Variants in CYFIP2 observed in about 807,000 individuals in gnomAD.
CYFIP2 encodes the protein cytoplasmic FMR1-interacting protein 2.
In CYFIP2, 29 loss-of-function variants were observed where a neutral mutation model predicts 158.7. The observed-to-expected ratio is 0.18, with a 90% CI of 0.14 to 0.25. The LOEUF (loss-of-function observed/expected upper bound fraction) is 0.25, where lower values mean the gene tolerates loss of function less well. Ranked by LOEUF, CYFIP2 falls within the 10% of genes least tolerant of loss-of-function variation. The pLI, the probability that CYFIP2 is intolerant of heterozygous loss-of-function variation, is 1.00. For synonymous variants in CYFIP2, 585 were observed against 617.6 expected (o/e 0.95, Z 0.78); for missense variants, 852 against 1,639.5 (o/e 0.52, Z 8.29).
chr5:157,319,314 G>T (rs1760401423), intron 13 of CYFIP2, among the ~76,000 whole-genome samples: 1 of 152,210 alleles, frequency 6.6e-6, no homozygotes, highest in African/African-American at 2.4e-5. Flanking sequence ...AACAAAGGTT[G>T]TAAAAATTCT....
rs1755615532 is a variant in CYFIP2 at position 157,266,532 on chromosome 5, GGAGACA to G, written c.-24+338_-24+343del. On this transcript the variant is annotated intron_variant, in intron 1 of 30. Coordinates refer to ENST00000620254, the MANE Select transcript of CYFIP2 (RefSeq NM_001037333.3). The surrounding 1 kb of genome is among the most constrained non-coding windows in gnomAD (Gnocchi z 4.2). ...GGAGGCGGTGCTAATCTCAGGGACC[GGAGACA>G]CCTGCAGCGGCCGCGAGCCCGGCAG... is the stretch of plus-strand genomic sequence containing the variant. The G allele has an allele frequency of 6.6e-6, 1 of 152,306 alleles. No individual in the cohort carries two copies. The highest frequency in any genetic ancestry group is 1.5e-5 in the Non-Finnish European group (1 of 68,156). The allele number at this position is 152,306 out of a possible 1,614,324, so 9.4% of individuals were successfully genotyped here. A position where few individuals can be genotyped will look rare whatever the true frequency, so the allele number is the denominator to read the frequency against.
At chr5:157,269,342 G>A (rs368840333) in intron 1 of CYFIP2, 3 of 152,072 alleles carry the variant, frequency 2.0e-5, no homozygotes, top group Admixed American at 6.5e-5. Flanking sequence ...ATTTCAACAC[G>A]TAGAGTTAAG....
At chr5:157,293,241 A>T (rs1436642090) in intron 3 of CYFIP2, among the ~76,000 whole-genome samples, 1 of 152,122 alleles carries the variant, frequency 6.6e-6, no homozygotes, top group Non-Finnish European at 1.5e-5. Context: ...TTTTTAGTAG[A>T]GACGGGGTTT....
At chr5:157,270,837 G>A (rs1038571357) in intron 1 of CYFIP2, among the ~76,000 whole-genome samples, 2 of 152,256 alleles carry the variant, frequency 1.3e-5, no homozygotes, top group Admixed American at 6.5e-5. Flanking sequence ...AAGAATTTTG[G>A]TCATTGGCTC....
intron 15 of CYFIP2, chr5:157,322,994 G>A (rs1196461908): frequency 6.5e-7 from 1 of 1,535,920 alleles, no homozygotes; most frequent in African/African-American, 1.4e-5. Flanking sequence ...GGCACACAGG[G>A]CCGAAGAGGC....
Position 157,302,847 on chromosome 5 carries a change from A to G in CYFIP2, c.623A>G (p.Gln208Arg). The change falls in exon 7 of 31, where the codon CAG becomes CGG. Residue 208 changes from glutamine (Q) to arginine (R), a missense_variant. Gln to Arg is a conservative substitution (Grantham distance 43). Around this residue, in one of 8 missense-constraint regions of CYFIP2, gnomAD observed 123 missense variants for 316.7 expected, o/e 0.39. Coordinates refer to ENST00000620254, the MANE Select transcript of CYFIP2 (RefSeq NM_001037333.3). ...MADPQSIQESQNLSMFLANHN... is the reference protein window; with the variant it reads ...MADPQSIQESRNLSMFLANHN... ...GATCCCCAGTCTATCCAGGAGTCGC[A>G]GAACCTTTCCATGTTCCTGGCCAAC... The G allele has an allele frequency of 6.3e-7, 1 of 1,587,534 alleles. No homozygotes were observed. Among genetic ancestry groups the G allele is most frequent in the South Asian group, 1.2e-5 (1 of 86,602 alleles).
chr5:157,304,483 T>A, intron 8 of CYFIP2, 117 bp downstream of exon 8: 2 of 1,200,094 alleles, frequency 1.7e-6, no homozygotes, highest in Non-Finnish European at 2.3e-6. Flanking sequence ...GATACAGATC[T>A]TACGGCACAT....
chr5:157,363,198 C>T (rs1251325710), intron 26 of CYFIP2: 34 of 152,276 alleles, frequency 2.2e-4, no homozygotes, highest in Admixed American at 2.2e-3. Context: ...TCCCAGTCGG[C>T]CCAGTCCTAC....
intron 23 of CYFIP2, among the ~76,000 whole-genome samples, chr5:157,358,145 C>T (rs1763544952): frequency 6.6e-6 from 1 of 152,154 alleles, no homozygotes; most frequent in South Asian, 2.1e-4. Flanking sequence ...CAGAACAGAG[C>T]GTTAGAGTCG....
At chr5:157,349,130 T>G (rs185775287) in intron 23 of CYFIP2, among the ~76,000 whole-genome samples, 29 of 152,304 alleles carry the variant, frequency 1.9e-4, no homozygotes, top group Admixed American at 7.2e-4. Flanking sequence ...ATTTCAGTTT[T>G]TTTTATTTCA....
intron 3 of CYFIP2, among the ~76,000 whole-genome samples, chr5:157,293,025 TG>T: frequency 6.7e-6 from 1 of 148,564 alleles, no homozygotes; most frequent in African/African-American, 2.6e-5. Context: ...TATGTATGTA[TG>T]TATGTATGTA....
chr5:157,287,107 T>C lies in CYFIP2; in HGVS notation c.206T>C (p.Met69Thr). 6.2e-7 allele frequency: 1 copy of C among 1,612,936 alleles called. No homozygotes were observed. Among genetic ancestry groups the C allele is most frequent in the Non-Finnish European group, 8.5e-7 (1 of 1,179,150 alleles). Reference sequence around the variant, plus strand: ...GAGCAGGCTACAGTCCACTCCAGCATGGTAAGTCTCTGTGACCCACGTGTG... The same window carrying C: ...GAGCAGGCTACAGTCCACTCCAGCACGGTAAGTCTCTGTGACCCACGTGTG... ...YIEQATVHSS[M>T]NEMLEEGHEY... Residue 69 changes from methionine to threonine, a missense_variant and splice_region_variant, in exon 3 of 31, where the codon ATG (methionine) becomes ACG (threonine). By Grantham distance (81) the Met-to-Thr change is moderately conservative (BLOSUM62 -1). Transcript: ENST00000620254.
intron 28 of CYFIP2, 86 bp downstream of exon 28, chr5:157,383,445 G>A (rs1300675905): frequency 1.6e-6 from 2 of 1,236,438 alleles, no homozygotes; most frequent in East Asian, 2.5e-5. Context: ...TACAGGTCAG[G>A]AAACTGAGGC....
At chr5:157,350,083 TTACTC>T (rs1223260631) in intron 23 of CYFIP2, among the ~76,000 whole-genome samples, 1 of 152,244 alleles carries the variant, frequency 6.6e-6, no homozygotes, top group Non-Finnish European at 1.5e-5. Flanking sequence ...GGTTGTCTGT[TTACTC>T]TGCTGATTAT....
chr5:157,378,658 A>G (rs1393446793), intron 26 of CYFIP2, among the ~76,000 whole-genome samples: 1 of 152,126 alleles, frequency 6.6e-6, no homozygotes, highest in Non-Finnish European at 1.5e-5. Context: ...CCTAGTTAGG[A>G]AAGTTCACCT....
At chr5:157,371,678 A>G (rs1021859032) in intron 26 of CYFIP2, among the ~76,000 whole-genome samples, 1 of 152,244 alleles carries the variant, frequency 6.6e-6, no homozygotes, top group African/African-American at 2.4e-5. Context: ...GGAATCCCTC[A>G]GTTTTAAAAC....
At chr5:157,354,505 AGT>A in intron 23 of CYFIP2, among the ~76,000 whole-genome samples, 1 of 150,662 alleles carries the variant, frequency 6.6e-6, no homozygotes, top group South Asian at 2.1e-4. Flanking sequence ...TTCGGGGATG[AGT>A]GTGTGTGTAC....
Position 157,327,974 on chromosome 5 carries a change from T to C in CYFIP2, c.2081T>C (p.Val694Ala), listed in dbSNP as rs1443924850. 1 of 1,613,742 alleles carries C rather than the reference T, an allele frequency of 6.2e-7. No homozygotes were observed. Among genetic ancestry groups the C allele is most frequent in the Non-Finnish European group, 8.5e-7 (1 of 1,179,812 alleles). The change falls in exon 19 of 31, where the codon GTG (valine) becomes GCG (alanine). Residue 694 changes from valine to alanine, a missense_variant and splice_region_variant. Transcript: ENST00000620254. ...TGTTTCCTGCTTCCTCTCCACCAGG[T>C]GAACCTGTGTTTTGATCAGTTTGTC... ...QFLYDEIEAE[V>A]NLCFDQFVYK...
chr5:157,374,765 T>C (rs546349260), intron 26 of CYFIP2, among the ~76,000 whole-genome samples: 72 of 152,354 alleles, frequency 4.7e-4, no homozygotes, highest in African/African-American at 1.5e-3. Context: ...AAAGGAGGAC[T>C]GTGGGTCTCT....
Sources: allele counts gnomAD v4.1 joint callset (sites outside exome capture counted in the v4.1 genomes callset), GRCh38; gene constraint gnomAD v4.1.1; regional missense constraint gnomAD v4.1.1; non-coding constraint Gnocchi (gnomAD v3.1); transcripts MANE v1.5; gene names NCBI Gene and HGNC (gene_info 2026-07-23, HGNC 2026-07-21).